Variants in ACACB observed in about 807,000 individuals in gnomAD.
ACACB encodes acetyl-CoA carboxylase beta.
In ACACB, 209 loss-of-function variants were observed where a neutral mutation model predicts 278.8. That is an observed-to-expected ratio of 0.75 (90% CI 0.67 to 0.84). The LOEUF (loss-of-function observed/expected upper bound fraction) is 0.84. Among genes scored for constraint, ACACB ranks in the 40% least tolerant of loss-of-function variants. The pLI, the probability that ACACB is intolerant of heterozygous loss-of-function variation, is 0.00. For missense variants in ACACB, 2,850 were observed against 3,269.0 expected (o/e 0.87, Z 3.13); for synonymous variants, 1,174 against 1,285.6 (o/e 0.91, Z 1.86).
chr12:109,114,182 A>G (rs1005908068), upstream of ACACB, among the ~76,000 whole-genome samples: 1 of 152,210 alleles, frequency 6.6e-6, no homozygotes, highest in Non-Finnish European at 1.5e-5. Flanking sequence ...TAAGTTGCCC[A>G]GGCTAGGGAA....
intron 17 of ACACB, 133 bp downstream of exon 17, chr12:109,197,286 G>A (rs2045171561): frequency 1.7e-6 from 2 of 1,154,850 alleles, no homozygotes; most frequent in Non-Finnish European, 2.4e-6. Context: ...AATTCTGGGG[G>A]TGTGCAGAGA....
Position 109,167,643 on chromosome 12 carries a change from A to ATATATATATATT in ACACB, c.787-251_787-240dup, listed in dbSNP as rs61633871. On this transcript the variant is annotated intron_variant, in intron 3 of 52. Transcript: ENST00000338432. ...TGTGTATATATATATATATATATAT[A>ATATATATATATT]TATATATATATTTCAGACAAACAGC... Among the ~76,000 whole-genome samples, 148 of 135,550 alleles carry ATATATATATATT rather than the reference A, an allele frequency of 1.1e-3. 3 individuals are homozygous for ATATATATATATT. The highest frequency in any genetic ancestry group is 4.1e-3 in the African/African-American group (146 of 35,556). The allele number at this position is 135,550 out of a possible 152,430, so 88.9% of individuals were successfully genotyped here.
In ACACB at chr12:109,260,398, G is replaced by A; in HGVS notation, c.6497-82G>A. On this transcript the variant is annotated intron_variant, in intron 47 of 52. Coordinates refer to ENST00000338432, the MANE Select transcript of ACACB (RefSeq NM_001093.4). ...CCTCTCAGCTGGGCTCACTCTCCCA[G>A]GACCCCCAGGACAACTAGGGCAGTG... The A allele has an allele frequency of 1.9e-6, 3 of 1,554,580 alleles. No individual in the cohort carries two copies. In the South Asian group the frequency reaches 3.5e-5, roughly 18 times the overall value.
chr12:109,203,786 T>C (rs2136348392), intron 19 of ACACB, among the ~76,000 whole-genome samples: 1 of 152,320 alleles, frequency 6.6e-6, no homozygotes, highest in South Asian at 2.1e-4. Context: ...TCATTACCGA[T>C]GAGTCCCTGA....
intron 28 of ACACB, 124 bp downstream of exon 28, chr12:109,227,613 G>A: frequency 2.3e-6 from 2 of 876,534 alleles, no homozygotes; most frequent in Non-Finnish European, 1.8e-6. Flanking sequence ...TCAGCGATAA[G>A]CACTTCCCCT....
intron 2 of ACACB, 43 bp downstream of exon 2, chr12:109,140,101 A>G (rs1386224497): frequency 3.9e-6 from 6 of 1,530,284 alleles, no homozygotes; most frequent in Admixed American, 3.9e-5. Flanking sequence ...TGCAGAGTTC[A>G]GGTGGGGTCC....
intron 11 of ACACB, among the ~76,000 whole-genome samples, chr12:109,184,610 C>T (rs535108774): frequency 2.0e-5 from 3 of 152,264 alleles, no homozygotes; most frequent in South Asian, 4.1e-4. Flanking sequence ...CAACCCAACC[C>T]AGGGTGACAC....
At position 109,152,640 on chromosome 12, in the gene ACACB, C is replaced by CTTTTTTTTT. The variant is rs34863094; in HGVS notation, c.653+12599_653+12607dup. ...GCCTGTGCCTTTTCTTTCTTTCTTTCTTTTTTTTTTTTTTTTTTTTTTTTT... is the reference window on the plus strand; with the variant it reads ...GCCTGTGCCTTTTCTTTCTTTCTTTCTTTTTTTTTTTTTTTTTTTTTTTTTTTTTTTTTT... On this transcript the variant is annotated intron_variant, in intron 2 of 52. Coordinates refer to ENST00000338432, the MANE Select transcript of ACACB (RefSeq NM_001093.4). 3.7e-3 allele frequency among the ~76,000 whole-genome samples: 279 copies of CTTTTTTTTT among 74,748 alleles called. 3 individuals carry two copies. Among genetic ancestry groups the CTTTTTTTTT allele is most frequent in the Non-Finnish European group, 5.2e-3 (206 of 39,492 alleles). 49.0% of individuals were successfully genotyped at this position (74,748 alleles called of 152,430 possible). A position where few individuals can be genotyped will look rare whatever the true frequency, so the allele number is the denominator to read the frequency against.
At chr12:109,217,097 C>T in intron 24 of ACACB, among the ~76,000 whole-genome samples, 177 bp downstream of exon 24, 1 of 152,110 alleles carries the variant, frequency 6.6e-6, no homozygotes, top group East Asian at 1.9e-4. Context: ...GCCTGGCTAA[C>T]ATAGTGAAAC....
intron 2 of ACACB, among the ~76,000 whole-genome samples, chr12:109,147,475 G>A (rs2043271187): frequency 6.7e-6 from 1 of 148,228 alleles, no homozygotes; most frequent in Non-Finnish European, 1.5e-5. Flanking sequence ...GAACTCCTGA[G>A]TTCAAGCAAT....
At chr12:109,191,236 C>T (rs112578237) in intron 13 of ACACB, among the ~76,000 whole-genome samples, 2,085 of 142,362 alleles carry the variant, frequency 0.015, 65 homozygotes, top group African/African-American at 0.05. Context: ...TTTTTGGAGA[C>T]AGAGTCTTGC....
intron 20 of ACACB, 46 bp from the exon 21 acceptor site, chr12:109,209,119 C>T (rs1283820645): frequency 6.5e-7 from 1 of 1,535,892 alleles, no homozygotes; most frequent in Non-Finnish European, 8.8e-7. Context: ...CGGTGGTGCC[C>T]ATGCCCATGC....
chr12:109,123,415 A>G (rs60282699), intron 1 of ACACB, among the ~76,000 whole-genome samples: 26,618 of 151,056 alleles, frequency 0.18, 2,448 homozygotes, highest in African/African-American at 0.22. Context: ...TCTTAGGCCG[A>G]GCGTGGTGGC....
At chr12:109,188,333 A>C (rs758426563) in intron 13 of ACACB, among the ~76,000 whole-genome samples, 171 bp downstream of exon 13, 14 of 111,436 alleles carry the variant, frequency 1.3e-4, no homozygotes, top group South Asian at 2.8e-4. Flanking sequence ...CTTCCCTTCC[A>C]TTGCCTTCCT....
intron 1 of ACACB, among the ~76,000 whole-genome samples, chr12:109,132,751 G>A (rs963298127): frequency 2.0e-5 from 3 of 152,146 alleles, no homozygotes; most frequent in East Asian, 1.9e-4. Flanking sequence ...TGGGTCCCAC[G>A]TCATTATTCC....
chr12:109,167,499 T>C (rs951003932), intron 3 of ACACB, among the ~76,000 whole-genome samples: 1 of 150,526 alleles, frequency 6.6e-6, no homozygotes, highest in Non-Finnish European at 1.5e-5. Context: ...CTCGGGAGGC[T>C]GAGGTGGGAG....
chr12:109,250,014 T>C lies in ACACB; in HGVS notation c.5700T>C (p.Asp1900=). 1 of 1,613,568 alleles carries C rather than the reference T, an allele frequency of 6.2e-7. No homozygotes were observed. The highest frequency in any genetic ancestry group is 8.5e-7 in the Non-Finnish European group (1 of 1,179,762). The change falls in exon 41 of 53, where the codon GAT becomes GAC. Residue 1900 remains aspartate, a synonymous_variant. Coordinates refer to ENST00000338432, the MANE Select transcript of ACACB (RefSeq NM_001093.4). ...TGATCACGGATATCATCGGGAAGGA[T>C]GATGGCTTGGGCGTGGAGAATCTGA... is the stretch of plus-strand genomic sequence containing the variant. The part of the protein sequence containing the change: ...RYMITDIIGK[D]DGLGVENLRG...
intron 9 of ACACB, 35 bp from the exon 10 acceptor site, chr12:109,179,053 C>T: frequency 6.3e-7 from 1 of 1,593,872 alleles, no homozygotes; most frequent in East Asian, 2.3e-5. Flanking sequence ...GCTGGTTTCC[C>T]CATGAAGATC....
intron 10 of ACACB, 87 bp from the exon 11 acceptor site, chr12:109,179,830 C>T: frequency 1.4e-6 from 2 of 1,440,266 alleles, no homozygotes; most frequent in Non-Finnish European, 1.9e-6. Flanking sequence ...GCTCAGTCTG[C>T]ATTTGGTGAA....
Sources: gnomAD v4.1 joint callset for allele counts (sites outside exome capture counted in the v4.1 genomes callset) on GRCh38, gnomAD v4.1.1 for gene constraint, MANE v1.5 for transcripts, NCBI Gene and HGNC (gene_info 2026-07-23, HGNC 2026-07-21) for gene names.